The following TMEM140 variants were observed in gnomAD, a reference collection of about 807,000 sequenced individuals.
TMEM140 encodes the protein transmembrane protein 140.
For missense variants in TMEM140, 236 were observed against 228.5 expected (o/e 1.03, Z -0.21); for synonymous variants, 107 against 106.8 (o/e 1.00, Z -0.01).
intron 1 of TMEM140, among the ~76,000 whole-genome samples, chr7:135,160,466 G>A (rs1296353473): frequency 6.6e-6 from 1 of 152,134 alleles, no homozygotes; most frequent in South Asian, 2.1e-4. Flanking sequence ...AGTGTCATGG[G>A]GTTTCCAACC....
In TMEM140 at chr7:135,164,466, C is replaced by T. The variant is rs774240687; in HGVS notation, c.25C>T (p.Arg9Cys). 1.1e-5 allele frequency: 18 copies of T among 1,599,334 alleles called. No homozygotes were observed. Among genetic ancestry groups the T allele is most frequent in the East Asian group, 6.8e-5 (3 of 44,372 alleles). Reference sequence around the variant, plus strand: ...GATGGCCGGCCCAAGGCCTCGGTGGCGCGACCAGCTGCTGTTCATGAGCAT... The same window carrying T: ...GATGGCCGGCCCAAGGCCTCGGTGGTGCGACCAGCTGCTGTTCATGAGCAT... MAGPRPRW[R>C]DQLLFMSIIV... is the part of the protein sequence containing the mutation. Residue 9 changes from arginine to cysteine, a missense_variant, in exon 2 of 2, where the codon CGC (arginine) becomes TGC (cysteine). Physicochemically the swap from Arg to Cys is radical, Grantham distance 180. Transcript: ENST00000275767.
At chr7:135,159,319 A>G (rs1467671422) in intron 1 of TMEM140, among the ~76,000 whole-genome samples, 1 of 152,226 alleles carries the variant, frequency 6.6e-6, no homozygotes. Flanking sequence ...TTCAATAAGA[A>G]CCTGACAAAT....
At chr7:135,148,522 T>A (rs1486082156) in intron 1 of TMEM140, among the ~76,000 whole-genome samples, 1 of 152,112 alleles carries the variant, frequency 6.6e-6, no homozygotes, top group Non-Finnish European at 1.5e-5. Context: ...ATGATGAAAG[T>A]AAGGCCAGTA....
In TMEM140 at chr7:135,151,923, G is replaced by C. The variant is rs1284579987; in HGVS notation, c.-25+3653G>C. ...TCACAACCAAACATAAATGAGACCA[G>C]CTTCCTAGAGTTCATCTCTGGGAAT... On this transcript the variant is annotated intron_variant, in intron 1 of 1. Coordinates refer to ENST00000275767, the MANE Select transcript of TMEM140 (RefSeq NM_018295.5). The surrounding 1 kb of genome is among the most constrained non-coding windows in gnomAD (Gnocchi z 4.3). 6.6e-6 allele frequency among the ~76,000 whole-genome samples: 1 copy of C among 152,108 alleles called. No homozygotes were observed. Among genetic ancestry groups the C allele is most frequent in the African/African-American group, 2.4e-5 (1 of 41,410 alleles).
At position 135,151,239 on chromosome 7, in the gene TMEM140, C is replaced by A. The variant is rs1418293338; in HGVS notation, c.-25+2969C>A. On this transcript the variant is annotated intron_variant, in intron 1 of 1. Transcript: ENST00000275767. The surrounding 1 kb of genome is among the most constrained non-coding windows in gnomAD (Gnocchi z 4.3). ...AACACTGGTGAAATCCAGGAGCTGC[C>A]ACCACCTACACACTGTTGAAAAACA... Among the ~76,000 whole-genome samples, 1 of 152,200 alleles carries A rather than the reference C, an allele frequency of 6.6e-6. No homozygotes were observed. Among genetic ancestry groups the A allele is most frequent in the Non-Finnish European group, 1.5e-5 (1 of 68,036 alleles).
In TMEM140 at chr7:135,164,735, C is replaced by G; in HGVS notation, c.294C>G (p.Pro98=). 6.2e-7 allele frequency: 1 copy of G among 1,614,212 alleles called. No homozygotes were observed. ...YGSLVLTLFA[P]QPLLLAQCNS... is the part of the protein sequence containing the mutation. Reference sequence around the variant, plus strand: ...CCCTGGTCCTCACCCTCTTTGCCCCCCAGCCTCTCCTCCTAGCCCAGTGCA... The same window carrying G: ...CCCTGGTCCTCACCCTCTTTGCCCCGCAGCCTCTCCTCCTAGCCCAGTGCA... Residue 98 remains proline, a synonymous_variant, in exon 2 of 2, where the codon CCC becomes CCG. Coordinates refer to ENST00000275767, the MANE Select transcript of TMEM140 (RefSeq NM_018295.5).
intron 1 of TMEM140, among the ~76,000 whole-genome samples, chr7:135,155,721 C>T (rs538382672): frequency 6.6e-6 from 1 of 152,266 alleles, no homozygotes; most frequent in Non-Finnish European, 1.5e-5. Context: ...CATGGTGGCA[C>T]ATGTCTGTAT....
rs560211976 is a variant in TMEM140, at chr7:135,159,005, G to A, written c.-24-5413G>A. On this transcript the variant is annotated intron_variant, in intron 1 of 1. Coordinates refer to ENST00000275767, the MANE Select transcript of TMEM140 (RefSeq NM_018295.5). ...TCAGGCCCAGGCCCTGGCCCAGTGG[G>A]TCGAGGTTTCCTTCCGTGGCCAAGA... Among the ~76,000 whole-genome samples, 3 of 152,342 alleles carry A rather than the reference G, an allele frequency of 2.0e-5. No individual in the cohort carries two copies. The South Asian group carries it at 6.2e-4, about 32-fold the overall frequency.
At chr7:135,155,368 T>C (rs928659923) in intron 1 of TMEM140, among the ~76,000 whole-genome samples, 1 of 152,254 alleles carries the variant, frequency 6.6e-6, no homozygotes, top group Admixed American at 6.5e-5. Flanking sequence ...TCTGTTATAT[T>C]GTTTATTGTT....
intron 1 of TMEM140, among the ~76,000 whole-genome samples, chr7:135,154,379 A>G (rs1438889498): frequency 6.6e-6 from 1 of 151,596 alleles, no homozygotes; most frequent in African/African-American, 2.4e-5. Context: ...TCTGATCTTT[A>G]TTTTTTCTTT....
At position 135,164,412 on chromosome 7, in the gene TMEM140, C is replaced by T. The variant is rs530413020; in HGVS notation, c.-24-6C>T. ...AGATGGACTGACTGCTGTGACTTCC[C>T]CGCAGGTCCCCCGGCAGAGGGCAGT... is the stretch of plus-strand genomic sequence containing the variant. On this transcript the variant is annotated splice_region_variant and splice_polypyrimidine_tract_variant and intron_variant, in intron 1 of 1. Transcript: ENST00000275767. 2.0e-5 allele frequency: 32 copies of T among 1,578,652 alleles called. No homozygotes were observed. The South Asian group carries it at 3.4e-4, about 17-fold the overall frequency.
intron 1 of TMEM140, among the ~76,000 whole-genome samples, chr7:135,154,486 A>C (rs976112502): frequency 1.3e-5 from 2 of 152,190 alleles, no homozygotes; most frequent in South Asian, 2.1e-4. Context: ...TGATGTAGGC[A>C]TTTAATGCTA....
Position 135,165,141 on chromosome 7 carries a change from A to G in TMEM140, c.*142A>G. On this transcript the variant is annotated 3_prime_UTR_variant, in exon 2 of 2. Transcript: ENST00000275767. ...AGAGGAGGTGGGGCCCCTGTGTCAAAGAGGCCGAGGGGCAGCAAGGGCAGC... is the reference window on the plus strand; with the variant it reads ...AGAGGAGGTGGGGCCCCTGTGTCAAGGAGGCCGAGGGGCAGCAAGGGCAGC... The G allele has an allele frequency of 9.8e-7, 1 of 1,015,922 alleles. No individual in the cohort carries two copies. Among genetic ancestry groups the G allele is most frequent in the Non-Finnish European group, 1.4e-6 (1 of 709,762 alleles). The allele number at this position is 1,015,922 out of a possible 1,614,324, so 62.9% of individuals were successfully genotyped here.
chr7:135,164,363 G>A (rs184296137), intron 1 of TMEM140, 55 bp from the exon 2 acceptor site: 3 of 1,385,806 alleles, frequency 2.2e-6, no homozygotes, highest in East Asian at 4.6e-5. Flanking sequence ...GAGCTTGTCT[G>A]GACACAGGGA....
chr7:135,152,477 C>T (rs1829688315), intron 1 of TMEM140, among the ~76,000 whole-genome samples: 1 of 152,214 alleles, frequency 6.6e-6, no homozygotes, highest in Admixed American at 6.5e-5. Flanking sequence ...CCTTACTAGG[C>T]CTGTCTTCTT....
chr7:135,150,585 AGAGG>A (rs1829644543), intron 1 of TMEM140, among the ~76,000 whole-genome samples: 3 of 152,162 alleles, frequency 2.0e-5, no homozygotes, highest in Admixed American at 1.3e-4. Flanking sequence ...ATTGCGGAAG[AGAGG>A]GCTGGTGCGG....
Position 135,164,935 on chromosome 7 carries a change from T to C in TMEM140, c.494T>C (p.Leu165Pro). 6.2e-7 allele frequency: 1 copy of C among 1,613,852 alleles called. No homozygotes were observed. The highest frequency in any genetic ancestry group is 8.5e-7 in the Non-Finnish European group (1 of 1,179,812). Residue 165 changes from leucine (L) to proline (P), a missense_variant, in exon 2 of 2, where the codon CTT becomes CCT. Leu to Pro is a moderately conservative substitution (Grantham distance 98). Transcript: ENST00000275767. ...GCCCAGGCCTTACTCATCCTCTTGC[T>C]TATAGCCATGGCTGTGTTCCCTCTG... is the stretch of plus-strand genomic sequence containing the variant. Reference protein sequence around the residue: ...GSAQALLILLLIAMAVFPLRA... With the variant: ...GSAQALLILLPIAMAVFPLRA...
intron 1 of TMEM140, among the ~76,000 whole-genome samples, chr7:135,155,662 G>C (rs1450567571): frequency 1.3e-5 from 2 of 152,094 alleles, no homozygotes; most frequent in Admixed American, 6.5e-5. Flanking sequence ...ACCAACCGGG[G>C]CAAAATAGCA....
At chr7:135,160,045 G>A (rs1829888823) in intron 1 of TMEM140, among the ~76,000 whole-genome samples, 1 of 152,194 alleles carries the variant, frequency 6.6e-6, no homozygotes, top group Non-Finnish European at 1.5e-5. Context: ...GCTATATGCA[G>A]CCCTTAATGT....
Sources: gnomAD v4.1 joint callset for allele counts (sites outside exome capture counted in the v4.1 genomes callset) on GRCh38, gnomAD v4.1.1 for gene constraint, Gnocchi (gnomAD v3.1) non-coding constraint, MANE v1.5 for transcripts, NCBI Gene and HGNC (gene_info 2026-07-23, HGNC 2026-07-21) for gene names.